PTPRD: variants seen among roughly 807,000 people sequenced by gnomAD.
The protein encoded by PTPRD is protein tyrosine phosphatase receptor type D.
In PTPRD, 34 loss-of-function variants were observed where a neutral mutation model predicts 214.5. That is an observed-to-expected ratio of 0.16 (90% CI 0.12 to 0.21). PTPRD has a LOEUF of 0.21. Among genes scored for constraint, PTPRD ranks in the 10% least tolerant of loss-of-function variants. The pLI is 1.00. For missense variants in PTPRD, 2,545 were observed against 2,398.7 expected, an observed-to-expected ratio of 1.06 and a Z score of -1.27; for synonymous variants, 1,128 against 845.7, an observed-to-expected ratio of 1.33 and a Z score of -5.79.
intron 3 of PTPRD, among the ~76,000 whole-genome samples, chr9:10,150,597 A>T (rs1390344960): frequency 6.6e-6 from 1 of 152,054 alleles, no homozygotes; most frequent in Non-Finnish European, 1.5e-5. Flanking sequence ...AGCACAGCAC[A>T]TGTATACATA....
chr9:10,010,091 T>G (rs1372440865), intron 4 of PTPRD, among the ~76,000 whole-genome samples: 2 of 151,904 alleles, frequency 1.3e-5, no homozygotes, highest in Non-Finnish European at 2.9e-5. Flanking sequence ...ACATTTAATC[T>G]TTAGAACAAT....
Position 9,576,001 on chromosome 9 carries a change from G to C in PTPRD, c.-286-1220C>G, listed in dbSNP as rs1412335390. On this transcript the variant is annotated intron_variant, in intron 7 of 45. Transcript: ENST00000381196. ...TCTTTAGAAAATTCATAAATGACTG[G>C]TAGGTCTACAAGTAGGTGCTCTACT... is the stretch of plus-strand genomic sequence containing the variant. Among the ~76,000 whole-genome samples the C allele has an allele frequency of 2.0e-5, 3 of 151,906 alleles. No individual in the cohort carries two copies. The South Asian group carries it at 6.2e-4, about 32-fold the overall frequency.
chr9:8,550,988 A>C (rs1372228300), intron 14 of PTPRD, among the ~76,000 whole-genome samples: 1 of 152,242 alleles, frequency 6.6e-6, no homozygotes. Flanking sequence ...CCAGTTCTGC[A>C]GTGACAGTGT....
intron 11 of PTPRD, among the ~76,000 whole-genome samples, chr9:8,922,420 G>A (rs1315372970): frequency 6.6e-6 from 1 of 152,064 alleles, no homozygotes; most frequent in Middle Eastern, 3.2e-3. Context: ...ATTACTCCAT[G>A]GTCGTATCCC....
chr9:8,710,038 T>A (rs151292890), intron 12 of PTPRD, among the ~76,000 whole-genome samples: 1 of 152,306 alleles, frequency 6.6e-6, no homozygotes, highest in African/African-American at 2.4e-5. Context: ...TATCTTAAAG[T>A]CTAGGCTAAT....
At chr9:10,575,581 T>A (rs1203903753) in intron 2 of PTPRD, among the ~76,000 whole-genome samples, 1 of 152,150 alleles carries the variant, frequency 6.6e-6, no homozygotes, top group African/African-American at 2.4e-5. Flanking sequence ...TTATTTTAGA[T>A]TCAGGATGAG....
At chr9:8,778,236 T>C (rs531056919) in intron 11 of PTPRD, among the ~76,000 whole-genome samples, 1 of 152,332 alleles carries the variant, frequency 6.6e-6, no homozygotes, top group Admixed American at 6.5e-5. Flanking sequence ...AATTATAACA[T>C]TTCACTACAA....
intron 3 of PTPRD, among the ~76,000 whole-genome samples, chr9:10,037,583 A>G (rs911073540): frequency 9.6e-5 from 12 of 124,820 alleles, no homozygotes; most frequent in South Asian, 2.2e-4. Context: ...AGCAGTGGAA[A>G]AAAAAAAAAA....
At chr9:9,199,973 G>A (rs2099940916) in intron 9 of PTPRD, among the ~76,000 whole-genome samples, 1 of 152,142 alleles carries the variant, frequency 6.6e-6, no homozygotes, top group Non-Finnish European at 1.5e-5. Flanking sequence ...AATTGGCAAT[G>A]CCTATTTACC....
chr9:9,379,407 T>C (rs992665810), intron 9 of PTPRD, among the ~76,000 whole-genome samples: 1 of 151,800 alleles, frequency 6.6e-6, no homozygotes, highest in Non-Finnish European at 1.5e-5. Flanking sequence ...TTCCTATTCT[T>C]CGTCCAATAC....
chr9:8,424,293 C>G (rs1436553203), intron 35 of PTPRD, among the ~76,000 whole-genome samples: 1 of 152,160 alleles, frequency 6.6e-6, no homozygotes, highest in Admixed American at 6.5e-5. Flanking sequence ...AATCAACTCT[C>G]AGAGGCAACT....
intron 2 of PTPRD, among the ~76,000 whole-genome samples, chr9:10,377,427 C>A (rs1055252415): frequency 6.6e-6 from 1 of 151,922 alleles, no homozygotes; most frequent in Non-Finnish European, 1.5e-5. Flanking sequence ...TCTCCTAATG[C>A]TATCCCTCCC....
chr9:9,168,525 A>G (rs1019537324), intron 10 of PTPRD, among the ~76,000 whole-genome samples: 1 of 152,178 alleles, frequency 6.6e-6, no homozygotes, highest in Non-Finnish European at 1.5e-5. Flanking sequence ...TACATTTTGC[A>G]GGTTGTCTCA....
intron 10 of PTPRD, among the ~76,000 whole-genome samples, chr9:9,065,241 T>A (rs982460538): frequency 6.6e-6 from 1 of 152,006 alleles, no homozygotes; most frequent in Non-Finnish European, 1.5e-5. Context: ...TGAAAAGGGG[T>A]GCCTTGGACT....
At chr9:8,404,885 AAG>A (rs3832612) in intron 35 of PTPRD, among the ~76,000 whole-genome samples, 10,966 of 152,292 alleles carry the variant, frequency 0.072, 489 homozygotes, top group Non-Finnish European at 0.097. Flanking sequence ...CAAATGAAAA[AAG>A]AAATCAATAC....
chr9:8,433,683 G>A (rs941872500), intron 35 of PTPRD, among the ~76,000 whole-genome samples: 1 of 152,136 alleles, frequency 6.6e-6, no homozygotes, highest in African/African-American at 2.4e-5. Flanking sequence ...AAGAAAAAAT[G>A]TTTTTGTATA....
intron 11 of PTPRD, among the ~76,000 whole-genome samples, chr9:9,015,676 G>T (rs1396104201): frequency 2.6e-5 from 4 of 152,032 alleles, no homozygotes; most frequent in Non-Finnish European, 5.9e-5. Context: ...TCTCTTGGGT[G>T]GGGTCTGGAT....
At chr9:9,111,368 G>A (rs1436700177) in intron 10 of PTPRD, among the ~76,000 whole-genome samples, 4 of 150,140 alleles carry the variant, frequency 2.7e-5, no homozygotes, top group Admixed American at 6.7e-5. Context: ...GTGAGTCTAA[G>A]TCTTTAGAAC....
At chr9:8,397,150 C>T (rs546708691) in intron 36 of PTPRD, among the ~76,000 whole-genome samples, 2 of 152,150 alleles carry the variant, frequency 1.3e-5, no homozygotes, top group South Asian at 2.1e-4. Context: ...ATGGGATATA[C>T]ATTCTAACAA....
Sources: allele counts gnomAD v4.1 joint callset (sites outside exome capture counted in the v4.1 genomes callset), GRCh38; gene constraint gnomAD v4.1.1; transcripts MANE v1.5; gene names NCBI Gene and HGNC (gene_info 2026-07-23, HGNC 2026-07-21).